Variants in PRICKLE2 observed in about 807,000 individuals in gnomAD.
The protein encoded by PRICKLE2 is prickle planar cell polarity protein 2.
PRICKLE2 carries 21 observed loss-of-function variants against 81.4 expected under a neutral mutation model. The observed-to-expected ratio is 0.26, with a 90% confidence interval of 0.18 to 0.37. PRICKLE2 has a LOEUF of 0.37. Ranked by LOEUF, PRICKLE2 falls within the 10% of genes least tolerant of loss-of-function variation. PRICKLE2 has a pLI of 1.00. For missense variants in PRICKLE2, 940 were observed against 1,109.0 expected (o/e 0.85, Z 2.16); for synonymous variants, 456 against 421.5 (o/e 1.08, Z -1.00).
chr3:64,112,156 C>T (rs1466741561), intron 7 of PRICKLE2, among the ~76,000 whole-genome samples: 2 of 152,084 alleles, frequency 1.3e-5, no homozygotes, highest in East Asian at 1.9e-4. Flanking sequence ...TACACCAGGA[C>T]CTTTATCACC....
intron 7 of PRICKLE2, among the ~76,000 whole-genome samples, chr3:64,119,182 G>C (rs1486669879): frequency 6.6e-6 from 1 of 152,138 alleles, no homozygotes; most frequent in Non-Finnish European, 1.5e-5. Context: ...AGAACACATG[G>C]ACACATGGAG....
chr3:64,127,421 T>A (rs912074213), intron 7 of PRICKLE2, among the ~76,000 whole-genome samples: 1 of 152,156 alleles, frequency 6.6e-6, no homozygotes, highest in African/African-American at 2.4e-5. Flanking sequence ...GAGGTACCAT[T>A]GTGAGTATCT....
chr3:64,204,809 G>A (rs1276108402), intron 1 of PRICKLE2, among the ~76,000 whole-genome samples: 1 of 152,000 alleles, frequency 6.6e-6, no homozygotes, highest in Non-Finnish European at 1.5e-5. Context: ...ACAACCTTTG[G>A]TAATGGCTAA....
At chr3:64,258,656 T>C (rs180948667) in intron 2 of PRICKLE2, among the ~76,000 whole-genome samples, 1 of 150,792 alleles carries the variant, frequency 6.6e-6, no homozygotes, top group Non-Finnish European at 1.5e-5. Context: ...CTGTCTCTAC[T>C]TAAAAAAAGA....
At chr3:64,247,737 T>G (rs1440768307) in intron 2 of PRICKLE2, among the ~76,000 whole-genome samples, 1 of 152,204 alleles carries the variant, frequency 6.6e-6, no homozygotes, top group Non-Finnish European at 1.5e-5. Context: ...CCTGCCAAAA[T>G]TTCTTTAGCA....
At chr3:64,184,863 T>C (rs2107086557) in intron 2 of PRICKLE2, among the ~76,000 whole-genome samples, 1 of 152,320 alleles carries the variant, frequency 6.6e-6, no homozygotes, top group South Asian at 2.1e-4. Flanking sequence ...CAAAAGAAGA[T>C]GGATGTTTCA....
At chr3:64,178,969 TTCTTTC>T (rs2078070406) in intron 2 of PRICKLE2, among the ~76,000 whole-genome samples, 1 of 52,684 alleles carries the variant, frequency 1.9e-5, no homozygotes, top group East Asian at 6.6e-4. Context: ...CATATTTTCT[TTCTTTC>T]TTTCTTTCTT....
At chr3:64,257,395 T>C (rs1381006636) in intron 2 of PRICKLE2, among the ~76,000 whole-genome samples, 1 of 152,132 alleles carries the variant, frequency 6.6e-6, no homozygotes, top group Admixed American at 6.5e-5. Context: ...AAGGGGAGTG[T>C]AGGACCAGTT....
chr3:64,167,126 A>G (rs887466478), intron 2 of PRICKLE2, among the ~76,000 whole-genome samples: 9 of 152,210 alleles, frequency 5.9e-5, no homozygotes, highest in Non-Finnish European at 1.3e-4. Context: ...CAAAAATTAA[A>G]TTTGGCACAA....
chr3:64,166,906 G>A (rs536195911), intron 2 of PRICKLE2, among the ~76,000 whole-genome samples: 3 of 152,122 alleles, frequency 2.0e-5, no homozygotes, highest in Non-Finnish European at 4.4e-5. Context: ...TTTAGATGCT[G>A]GACTTTCCAA....
chr3:64,198,252 A>G (rs995050789), intron 2 of PRICKLE2, among the ~76,000 whole-genome samples: 3 of 139,630 alleles, frequency 2.1e-5, no homozygotes, highest in Non-Finnish European at 1.5e-5. Context: ...ATAAATAAAT[A>G]AATAAAACAA....
At chr3:64,229,658 C>A (rs2079074165), upstream of PRICKLE2, among the ~76,000 whole-genome samples, 2 of 152,196 alleles carry the variant, frequency 1.3e-5, no homozygotes, top group South Asian at 4.1e-4. Flanking sequence ...ACCTTCTGGC[C>A]CTGCTATTGG....
chr3:64,150,570 T>C (rs868529727), intron 6 of PRICKLE2, among the ~76,000 whole-genome samples: 17 of 152,046 alleles, frequency 1.1e-4, no homozygotes, highest in African/African-American at 3.9e-4. Flanking sequence ...TCACTCCCTT[T>C]CTCAAATGCC....
chr3:64,108,699 T>C (rs1228191131), intron 7 of PRICKLE2, among the ~76,000 whole-genome samples: 1 of 152,180 alleles, frequency 6.6e-6, no homozygotes, highest in African/African-American at 2.4e-5. Context: ...CTCATGTTCA[T>C]GAGAGTTAGA....
At chr3:64,134,683 T>C (rs2077251111) in intron 7 of PRICKLE2, among the ~76,000 whole-genome samples, 1 of 148,288 alleles carries the variant, frequency 6.7e-6, no homozygotes, top group African/African-American at 2.4e-5. Context: ...CCATCTCTGT[T>C]GAGAATCATT....
At chr3:64,204,485 T>G (rs2078646031) in intron 1 of PRICKLE2, among the ~76,000 whole-genome samples, 1 of 152,080 alleles carries the variant, frequency 6.6e-6, no homozygotes, top group African/African-American at 2.4e-5. Context: ...CAAAGTAGGC[T>G]CTAACTGACC....
chr3:64,150,502 A>C (rs746458532), intron 6 of PRICKLE2, among the ~76,000 whole-genome samples: 7 of 152,090 alleles, frequency 4.6e-5, no homozygotes, highest in Non-Finnish European at 1.0e-4. Flanking sequence ...AGAAATAACT[A>C]GGAGGCTGCT....
intron 7 of PRICKLE2, among the ~76,000 whole-genome samples, chr3:64,106,951 T>A (rs1473850710): frequency 6.6e-6 from 1 of 152,208 alleles, no homozygotes; most frequent in Non-Finnish European, 1.5e-5. Context: ...GTCATTTCCC[T>A]CTCAAGCAGA....
At chr3:64,143,309 T>G (rs1260739867) in intron 7 of PRICKLE2, among the ~76,000 whole-genome samples, 1 of 152,146 alleles carries the variant, frequency 6.6e-6, no homozygotes, top group East Asian at 1.9e-4. Flanking sequence ...TATTAGACAG[T>G]GCTGATCTCA....
Sources: gnomAD v4.1 joint callset for allele counts (sites outside exome capture counted in the v4.1 genomes callset) on GRCh38, gnomAD v4.1.1 for gene constraint, MANE v1.5 for transcripts, NCBI Gene and HGNC (gene_info 2026-07-23, HGNC 2026-07-21) for gene names.